TRRAP: variants seen among roughly 807,000 people sequenced by gnomAD.
TRRAP encodes the protein transformation/transcription domain associated protein.
TRRAP carries 41 observed loss-of-function variants against 438.8 expected under a neutral mutation model. That is an observed-to-expected ratio of 0.09 (90% confidence interval 0.07 to 0.12). The LOEUF (loss-of-function observed/expected upper bound fraction) is 0.12, where lower values mean the gene tolerates loss of function less well. Ranked by LOEUF, TRRAP falls within the 10% of genes least tolerant of loss-of-function variation. The pLI is 1.00. For synonymous variants in TRRAP, 1,994 were observed against 1,962.9 expected (o/e 1.02, Z -0.42); for missense variants, 3,122 against 5,055.1 (o/e 0.62, Z 11.60).
intron 2 of TRRAP, chr7:98,881,747 GTGTT>G: frequency 2.1e-6 from 1 of 485,264 alleles, no homozygotes; most frequent in Non-Finnish European, 3.7e-6. Context: ...GCACGTGTGT[GTGTT>G]TGTGTGTGTG....
At chr7:98,900,317 G>T (rs1253443676) in intron 10 of TRRAP, among the ~76,000 whole-genome samples, 1 of 152,172 alleles carries the variant, frequency 6.6e-6, no homozygotes, top group African/African-American at 2.4e-5. Flanking sequence ...CCTAGTTGGG[G>T]TCTTGCACTG....
chr7:98,896,470 C>A (rs1309518457), intron 7 of TRRAP, among the ~76,000 whole-genome samples: 1 of 151,974 alleles, frequency 6.6e-6, no homozygotes, highest in Admixed American at 6.6e-5. Context: ...AGTATAGTGG[C>A]GTGATCTCTG....
At chr7:98,900,533 T>C in intron 10 of TRRAP, 91 bp from the exon 11 acceptor site, 1 of 1,069,388 alleles carries the variant, frequency 9.4e-7, no homozygotes, top group Non-Finnish European at 1.4e-6. Context: ...TGGAAATCAA[T>C]CTTTTGGGTT....
At chr7:98,884,774 A>T (rs909537210) in intron 3 of TRRAP, among the ~76,000 whole-genome samples, 6 of 152,040 alleles carry the variant, frequency 3.9e-5, no homozygotes, top group Non-Finnish European at 5.9e-5. Context: ...AGCTTGCTGA[A>T]CCCCAGTTGG....
At chr7:98,977,370 C>T (rs751041639) in intron 56 of TRRAP, among the ~76,000 whole-genome samples, 3 of 152,144 alleles carry the variant, frequency 2.0e-5, no homozygotes, top group Non-Finnish European at 2.9e-5. Flanking sequence ...CCATGTTGGC[C>T]GTGCTGGTCT....
chr7:98,969,427 G>A (rs1792307036), intron 51 of TRRAP, among the ~76,000 whole-genome samples: 2 of 152,206 alleles, frequency 1.3e-5, no homozygotes, highest in South Asian at 4.1e-4. Flanking sequence ...TCCTGGCCAT[G>A]TTACCACAGT....
chr7:98,987,602 TGTGTATAAGATC>T (rs1372420666), intron 62 of TRRAP, among the ~76,000 whole-genome samples: 1 of 152,242 alleles, frequency 6.6e-6, no homozygotes, highest in Non-Finnish European at 1.5e-5. Context: ...TCTTCTTTTC[TGTGTATAAGATC>T]GTGTCAACTG....
intron 27 of TRRAP, 95 bp from the exon 28 acceptor site, chr7:98,935,484 G>A: frequency 1.0e-6 from 1 of 1,001,672 alleles, no homozygotes; most frequent in Non-Finnish European, 1.5e-6. Context: ...TAATTGTGTT[G>A]CAGTGTGTGG....
At chr7:98,967,370 C>G in intron 50 of TRRAP, 115 bp from the exon 51 acceptor site, 1 of 1,340,946 alleles carries the variant, frequency 7.5e-7, no homozygotes, top group Non-Finnish European at 1.0e-6. Flanking sequence ...ATAACATACT[C>G]TTGGTTTTCA....
At chr7:98,918,308 G>A (rs1554409876) in intron 20 of TRRAP, among the ~76,000 whole-genome samples, 2 of 140,626 alleles carry the variant, frequency 1.4e-5, no homozygotes, top group Non-Finnish European at 1.5e-5. Context: ...TCGGCTCACT[G>A]CAACCTCCGC....
In TRRAP at chr7:98,930,131, G is replaced by A; in HGVS notation, c.3318G>A (p.Glu1106=). The A allele has an allele frequency of 6.2e-7, 1 of 1,614,216 alleles. No homozygotes were observed. The highest frequency in any genetic ancestry group is 8.5e-7 in the Non-Finnish European group (1 of 1,180,044). ...TTTGTATGGCATATGAAGAAAAGGA[G>A]CTTTGCAAAATCGGGGAGGTGGCCC... ...IAICMAYEEK[E]LCKIGEVALA... Residue 1106 remains glutamate (E), a synonymous_variant, in exon 24 of 73, where the codon GAG becomes GAA. Transcript: ENST00000456197.
chr7:98,984,865 CCT>C, intron 61 of TRRAP, 77 bp from the exon 62 acceptor site: 1 of 878,614 alleles, frequency 1.1e-6, no homozygotes, highest in Non-Finnish European at 1.8e-6. Context: ...GGACTTACTG[CCT>C]AGATTAGTAT....
chr7:98,882,104 T>C, intron 3 of TRRAP, 80 bp downstream of exon 3: 3 of 1,191,978 alleles, frequency 2.5e-6, no homozygotes, highest in Non-Finnish European at 3.6e-6. Context: ...GTCAGTCTTT[T>C]TACTAGCAAC....
chr7:98,908,888 C>G lies in TRRAP; in HGVS notation c.1276C>G (p.Leu426Val). 1 of 1,614,086 alleles carries G rather than the reference C, an allele frequency of 6.2e-7. No homozygotes were observed. Among genetic ancestry groups the G allele is most frequent in the Non-Finnish European group, 8.5e-7 (1 of 1,179,976 alleles). ...QTMSCKLLLNLVDCIRSKSEQ... is the reference protein window; with the variant it reads ...QTMSCKLLLNVVDCIRSKSEQ... ...CATGTCCTGCAAGCTCCTGCTGAAC[C>G]TGGTGGACTGCATCCGTTCCAAGAG... The change falls in exon 14 of 73, where the codon CTG (leucine) becomes GTG (valine). Residue 426 changes from leucine to valine, a missense_variant. Coordinates refer to ENST00000456197, the MANE Select transcript of TRRAP (RefSeq NM_001375524.1). The surrounding 1 kb of genome is among the most constrained non-coding windows in gnomAD (Gnocchi z 4.1).
chr7:98,921,032 A>G lies in TRRAP; in HGVS notation c.2623-721A>G, dbSNP rs146146721. ...TTTTGTGTTTTTAGTAGATGGGGTT[A>G]CTCCATGTTGGTCAGGCTGGTCTCG... On this transcript the variant is annotated intron_variant, in intron 20 of 72. Coordinates refer to ENST00000456197, the MANE Select transcript of TRRAP (RefSeq NM_001375524.1). Among the ~76,000 whole-genome samples, 14 of 151,978 alleles carry G rather than the reference A, an allele frequency of 9.2e-5. No individual in the cohort carries two copies. The East Asian group carries it at 1.9e-3, about 21-fold the overall frequency.
At position 98,956,253 on chromosome 7, in the gene TRRAP, C is replaced by T. The variant is rs1554419740; in HGVS notation, c.6045C>T (p.Asp2015=). 6.2e-7 allele frequency: 1 copy of T among 1,614,184 alleles called. No individual in the cohort carries two copies. The highest frequency in any genetic ancestry group is 1.1e-5 in the South Asian group (1 of 91,090). The change falls in exon 42 of 73, where the codon GAC becomes GAT. Residue 2015 remains aspartate, a synonymous_variant. Transcript: ENST00000456197. This position sits in a 1 kb window ranked among gnomAD's most constrained non-coding sequence, Gnocchi z 4.5. ...TCGAGCAGAGGCGGCTGGCCGTGGA[C>T]CTGTCTGAAGTCGTCATCAAGTGGG... is the stretch of plus-strand genomic sequence containing the variant. ...VTIEQRRLAV[D]LSEVVIKWEL... is the part of the protein sequence containing the mutation.
At chr7:98,989,847 C>T (rs992414506) in intron 63 of TRRAP, among the ~76,000 whole-genome samples, 1 of 152,096 alleles carries the variant, frequency 6.6e-6, no homozygotes, top group African/African-American at 2.4e-5. Context: ...GGTGGGCAGG[C>T]CCCAGGCATC....
Position 98,890,881 on chromosome 7 carries a change from C to G in TRRAP, c.261+436C>G, listed in dbSNP as rs1795938214. 2.9e-5 allele frequency among the ~76,000 whole-genome samples: 4 copies of G among 136,184 alleles called. No individual in the cohort carries two copies. In the South Asian group the frequency reaches 7.3e-4, roughly 25 times the overall value. The allele number at this position is 136,184 out of a possible 152,430, so 89.3% of individuals were successfully genotyped here. A position where few individuals can be genotyped will look rare whatever the true frequency, so the allele number is the denominator to read the frequency against. On this transcript the variant is annotated intron_variant, in intron 4 of 72. Transcript: ENST00000456197. ...TCGTAGCTCACTGCAGCCTTGACTT[C>G]TTGGGATCAGGTGATCTTCCCACCT... is the stretch of plus-strand genomic sequence containing the variant.
rs369078784 is a variant in TRRAP, at chr7:98,880,266, T to TGTTTTG, written c.-61-824_-61-823insGTTTTG. Among the ~76,000 whole-genome samples, 738 of 141,644 alleles carry TGTTTTG rather than the reference T, an allele frequency of 5.2e-3. 14 individuals carry two copies. Among genetic ancestry groups the TGTTTTG allele is most frequent in the South Asian group, 0.011 (47 of 4,414 alleles). The allele number at this position is 141,644 out of a possible 152,430, so 92.9% of individuals were successfully genotyped here. On this transcript the variant is annotated intron_variant, in intron 1 of 72. Coordinates refer to ENST00000456197, the MANE Select transcript of TRRAP (RefSeq NM_001375524.1). ...CTGCGTTTTGTTGTTGTTGTTGTTT[T>TGTTTTG]TTTTTTTTTTTTTCCGAGACTGAAC...
Sources: gnomAD v4.1 joint callset for allele counts (sites outside exome capture counted in the v4.1 genomes callset) on GRCh38, gnomAD v4.1.1 for gene constraint, Gnocchi (gnomAD v3.1) non-coding constraint, MANE v1.5 for transcripts, NCBI Gene and HGNC (gene_info 2026-07-23, HGNC 2026-07-21) for gene names.